NUGGC: variants seen among roughly 807,000 people sequenced by gnomAD.
NUGGC encodes nuclear GTPase, germinal center associated, also known as nuclear GTPase SLIP-GC.
Under a neutral mutation model 92.6 loss-of-function variants are expected in NUGGC, and 58 were observed. The observed-to-expected ratio is 0.63, with a 90% CI of 0.51 to 0.78. The LOEUF is 0.78. NUGGC is among the 30% of genes least tolerant of loss of function. NUGGC has a pLI of 0.00. For missense variants in NUGGC, 925 were observed against 964.6 expected (o/e 0.96, Z 0.54); for synonymous variants, 376 against 366.4 (o/e 1.03, Z -0.30).
intron 1 of NUGGC, among the ~76,000 whole-genome samples, chr8:28,076,078 A>G (rs1810715208): frequency 6.6e-6 from 1 of 152,090 alleles, no homozygotes; most frequent in Admixed American, 6.6e-5. Context: ...GGCTCCATAC[A>G]CACCTGTGTT....
At chr8:28,058,583 G>T (rs893635857) in intron 8 of NUGGC, among the ~76,000 whole-genome samples, 3 of 152,202 alleles carry the variant, frequency 2.0e-5, no homozygotes, top group African/African-American at 7.2e-5. Flanking sequence ...GTCCCTTCAT[G>T]TATAACTTTT....
At chr8:28,025,465 G>A (rs546543352) in intron 18 of NUGGC, among the ~76,000 whole-genome samples, 5 of 152,316 alleles carry the variant, frequency 3.3e-5, no homozygotes, top group East Asian at 3.9e-4. Flanking sequence ...GCTGGGATGC[G>A]GGGAAGCTTC....
Position 28,022,115 on chromosome 8 carries a change from G to A in NUGGC, c.*1202C>T, listed in dbSNP as rs1333693889. On this transcript the variant is annotated 3_prime_UTR_variant, in exon 19 of 19. Transcript: ENST00000413272. Reference sequence around the variant, plus strand: ...TTCTATAATGTTTAAGTTTTTTTATGTATGGGTGTGTGTGTGTATATATAT... The same window carrying A: ...TTCTATAATGTTTAAGTTTTTTTATATATGGGTGTGTGTGTGTATATATAT... 1 of 140,632 alleles carries A rather than the reference G, an allele frequency of 7.1e-6. No individual in the cohort carries two copies. Among genetic ancestry groups the A allele is most frequent in the Non-Finnish European group, 1.6e-5 (1 of 63,986 alleles). The allele number at this position is 140,632 out of a possible 1,614,324, so 8.7% of individuals were successfully genotyped here. A position where few individuals can be genotyped will look rare whatever the true frequency, so the allele number is the denominator to read the frequency against.
At chr8:28,030,731 T>C (rs1367900601) in intron 15 of NUGGC, among the ~76,000 whole-genome samples, 3 of 152,202 alleles carry the variant, frequency 2.0e-5, no homozygotes, top group African/African-American at 7.2e-5. Context: ...ATACAAGCTC[T>C]TTCCCTAGCA....
chr8:28,060,812 C>T (rs995987363), intron 7 of NUGGC, among the ~76,000 whole-genome samples: 2 of 152,300 alleles, frequency 1.3e-5, no homozygotes, highest in East Asian at 3.9e-4. Context: ...CTGCCTAGCC[C>T]CCATTTGTTC....
rs79383779 is a variant in NUGGC, at chr8:28,060,533, G to A, written c.990C>T (p.His330=). The part of the protein sequence containing the change: ...DIERVSGGQA[H]EDLLNESIKA... ...TGATGCTCTCATTCAGAAGGTCTTC[G>A]TGGGCTTGCCCCCCAGAAACTCGCT... Residue 330 remains histidine, a synonymous_variant, in exon 8 of 19, where the codon CAC becomes CAT. Coordinates refer to ENST00000413272, the MANE Select transcript of NUGGC (RefSeq NM_001010906.2). 45 of 1,613,684 alleles carry A rather than the reference G, an allele frequency of 2.8e-5. No individual in the cohort carries two copies. The highest frequency in any genetic ancestry group is 2.2e-4 in the South Asian group (20 of 91,038).
At chr8:28,045,502 T>C in intron 12 of NUGGC, 25 bp downstream of exon 12, 1 of 1,604,870 alleles carries the variant, frequency 6.2e-7, no homozygotes, top group South Asian at 1.1e-5. Context: ...AGGGGGAGAA[T>C]ATGAAAACCC....
At chr8:28,024,195 C>CTTTTTTTT (rs763885790) in intron 18 of NUGGC, among the ~76,000 whole-genome samples, 75 of 123,990 alleles carry the variant, frequency 6.0e-4, no homozygotes, top group African/African-American at 9.4e-4. Flanking sequence ...TAAATTCTTT[C>CTTTTTTTT]TTTTTTTTTT....
In NUGGC at chr8:28,058,880, AT is replaced by A. The variant is rs201519898; in HGVS notation, c.1098-605del. On this transcript the variant is annotated intron_variant, in intron 8 of 18. Coordinates refer to ENST00000413272, the MANE Select transcript of NUGGC (RefSeq NM_001010906.2). Reference sequence around the variant, plus strand: ...ACCACGCCCGGCCAATTTATTTTGTATTTTTTAGTACAGATGGGTTTCACCA... The same window carrying A: ...ACCACGCCCGGCCAATTTATTTTGTATTTTTAGTACAGATGGGTTTCACCA... 6.0e-3 allele frequency among the ~76,000 whole-genome samples: 910 copies of A among 151,664 alleles called. 11 individuals carry two copies. The highest frequency in any genetic ancestry group is 0.019 in the African/African-American group (777 of 41,292).
intron 10 of NUGGC, among the ~76,000 whole-genome samples, chr8:28,050,131 A>ATC (rs965972204): frequency 9.8e-5 from 15 of 152,308 alleles, no homozygotes; most frequent in Admixed American, 4.6e-4. Flanking sequence ...CATGCCTGTA[A>ATC]TCCCAGCACT....
chr8:28,045,617 G>C lies in NUGGC; in HGVS notation c.1356C>G (p.Asp452Glu). The C allele has an allele frequency of 6.2e-7, 1 of 1,613,062 alleles. No individual in the cohort carries two copies. The highest frequency in any genetic ancestry group is 8.5e-7 in the Non-Finnish European group (1 of 1,179,610). Residue 452 changes from aspartate to glutamate, a missense_variant, in exon 12 of 19, where the codon GAC becomes GAG. Coordinates refer to ENST00000413272, the MANE Select transcript of NUGGC (RefSeq NM_001010906.2). ...ACTTGGTCACTGTCCTCTTCTTCTT[G>C]TCCAAGAGGCTCTTCCTGATGTATT... is the stretch of plus-strand genomic sequence containing the variant. ...LREYIRKSLLDKKKRTVTKYV... is the reference protein window; with the variant it reads ...LREYIRKSLLEKKKRTVTKYV...
chr8:28,042,590 A>C (rs1809727805), intron 12 of NUGGC, among the ~76,000 whole-genome samples: 2 of 152,008 alleles, frequency 1.3e-5, no homozygotes, highest in Non-Finnish European at 2.9e-5. Context: ...CTCCCACTGC[A>C]CTTCCCACAG....
chr8:28,029,291 A>T lies in NUGGC; in HGVS notation c.2129T>A (p.Met710Lys), dbSNP rs571666276. 6.2e-7 allele frequency: 1 copy of T among 1,606,902 alleles called. No individual in the cohort carries two copies. The highest frequency in any genetic ancestry group is 1.7e-5 in the Admixed American group (1 of 59,252). Reference sequence around the variant, plus strand: ...CTTCAGCTGCTGAAACTGGTGCTGCATCCTTTCCTGGGCCCTTTCAAACAT... The same window carrying T: ...CTTCAGCTGCTGAAACTGGTGCTGCTTCCTTTCCTGGGCCCTTTCAAACAT... ...EGMFERAQER[M>K]QHQFQQLKTG... is the part of the protein sequence containing the mutation. The change falls in exon 17 of 19, where the codon ATG (methionine) becomes AAG (lysine). Residue 710 changes from methionine to lysine, a missense_variant. Physicochemically the swap from Met to Lys is moderately conservative, Grantham distance 95 (BLOSUM62 -1). Transcript: ENST00000413272.
At chr8:28,033,507 G>A in intron 14 of NUGGC, 33 bp downstream of exon 14, 1 of 1,597,848 alleles carries the variant, frequency 6.3e-7, no homozygotes, top group Non-Finnish European at 8.5e-7. Flanking sequence ...TCCGATGTTT[G>A]TTCCCGAAGG....
At chr8:28,081,323 A>C (rs1011216187) in intron 1 of NUGGC, among the ~76,000 whole-genome samples, 18 of 143,804 alleles carry the variant, frequency 1.3e-4, no homozygotes, top group Non-Finnish European at 2.5e-4. Context: ...CACGTCAAAA[A>C]AATAAAAAAT....
intron 13 of NUGGC, among the ~76,000 whole-genome samples, chr8:28,037,507 C>A (rs1809585621): frequency 6.6e-6 from 1 of 152,198 alleles, no homozygotes; most frequent in East Asian, 1.9e-4. Context: ...TGTCCTCTAA[C>A]CTGGCCTGCG....
In NUGGC at chr8:28,023,107, C is replaced by T; in HGVS notation, c.*210G>A. The T allele has an allele frequency of 2.0e-6, 1 of 494,934 alleles. No individual in the cohort carries two copies. The highest frequency in any genetic ancestry group is 3.6e-5 in the South Asian group (1 of 27,446). The allele number at this position is 494,934 out of a possible 1,614,324, so 30.7% of individuals were successfully genotyped here. A position where few individuals can be genotyped will look rare whatever the true frequency, so the allele number is the denominator to read the frequency against. On this transcript the variant is annotated 3_prime_UTR_variant, in exon 19 of 19. Coordinates refer to ENST00000413272, the MANE Select transcript of NUGGC (RefSeq NM_001010906.2). ...AAAAAAATTACCCAGGTGTGGTGGCCTGTACCTGTAGCCCCAGCTGCTCTG... is the reference window on the plus strand; with the variant it reads ...AAAAAAATTACCCAGGTGTGGTGGCTTGTACCTGTAGCCCCAGCTGCTCTG...
At chr8:28,064,757 A>G in intron 6 of NUGGC, 26 bp from the exon 7 acceptor site, 2 of 1,599,140 alleles carry the variant, frequency 1.3e-6, no homozygotes, top group Non-Finnish European at 1.7e-6. Flanking sequence ...AGAGTCACAC[A>G]CACCAGCCAT....
intron 11 of NUGGC, among the ~76,000 whole-genome samples, chr8:28,047,050 A>G (rs1809856974): frequency 6.6e-6 from 1 of 151,794 alleles, no homozygotes; most frequent in Non-Finnish European, 1.5e-5. Context: ...GGCTCACTGC[A>G]ACCTCTGCCT....
Sources: allele counts gnomAD v4.1 joint callset (sites outside exome capture counted in the v4.1 genomes callset), GRCh38; gene constraint gnomAD v4.1.1; transcripts MANE v1.5; gene names NCBI Gene and HGNC (gene_info 2026-07-23, HGNC 2026-07-21).